Variants in BRINP3 observed in about 807,000 individuals in gnomAD.
The protein encoded by BRINP3 is BMP/retinoic acid-inducible neural-specific protein 3.
BRINP3 carries 19 observed loss-of-function variants against 71.0 expected under a neutral mutation model. The ratio of observed to expected loss-of-function variants is 0.27; its 90% CI spans 0.19 to 0.39. The LOEUF (loss-of-function observed/expected upper bound fraction) is 0.39. Ranked by LOEUF, BRINP3 falls within the 10% of genes least tolerant of loss-of-function variation. The pLI, the probability that BRINP3 is intolerant of heterozygous loss-of-function variation, is 1.00. For synonymous variants in BRINP3, 380 were observed against 337.7 expected, an observed-to-expected ratio of 1.13 and a Z score of -1.37; for missense variants, 959 against 940.8, an observed-to-expected ratio of 1.02 and a Z score of -0.25.
chr1:190,165,405 A>G (rs1223528078), intron 6 of BRINP3, among the ~76,000 whole-genome samples: 1 of 148,906 alleles, frequency 6.7e-6, no homozygotes, highest in Admixed American at 6.7e-5. Context: ...GGCTTTCCAT[A>G]CATGAACACA....
chr1:190,426,788 C>A (rs989688814), intron 2 of BRINP3, among the ~76,000 whole-genome samples: 2 of 151,698 alleles, frequency 1.3e-5, no homozygotes, highest in African/African-American at 4.8e-5. Flanking sequence ...AAAAATTAGA[C>A]AGTTGTGTTA....
chr1:190,382,164 C>T (rs1670587904), intron 2 of BRINP3, among the ~76,000 whole-genome samples: 1 of 140,756 alleles, frequency 7.1e-6, no homozygotes, highest in South Asian at 2.3e-4. Flanking sequence ...TCTTCCATGA[C>T]ATGAAATACA....
chr1:190,390,914 C>T (rs910453414), intron 2 of BRINP3, among the ~76,000 whole-genome samples: 10 of 151,636 alleles, frequency 6.6e-5, no homozygotes, highest in African/African-American at 2.2e-4. Context: ...TGGGAGTCCC[C>T]GGCTTTTTGT....
chr1:190,314,864 G>GT (rs1294323649), intron 2 of BRINP3, among the ~76,000 whole-genome samples: 1 of 152,174 alleles, frequency 6.6e-6, no homozygotes, highest in Non-Finnish European at 1.5e-5. Flanking sequence ...GGAAACATAT[G>GT]TGCAAGACCC....
At chr1:190,303,944 TC>T (rs201298580) in intron 2 of BRINP3, among the ~76,000 whole-genome samples, 1,531 of 151,852 alleles carry the variant, frequency 0.01, 23 homozygotes, top group African/African-American at 0.034. Context: ...ATTTATTTTT[TC>T]CATTAGGTAG....
chr1:190,141,856 C>T (rs113112581), intron 7 of BRINP3, among the ~76,000 whole-genome samples: 37 of 151,940 alleles, frequency 2.4e-4, no homozygotes, highest in African/African-American at 8.7e-4. Context: ...CCACGCCTAG[C>T]CTTAATCCTC....
At chr1:190,163,961 T>C (rs1198826905) in intron 6 of BRINP3, among the ~76,000 whole-genome samples, 1 of 152,176 alleles carries the variant, frequency 6.6e-6, no homozygotes, top group Non-Finnish European at 1.5e-5. Flanking sequence ...CTTGGTTTCA[T>C]AACTCTGTTA....
chr1:190,201,220 G>T (rs1654974984), intron 6 of BRINP3, among the ~76,000 whole-genome samples: 1 of 152,164 alleles, frequency 6.6e-6, no homozygotes, highest in South Asian at 2.1e-4. Context: ...TTGGAGCAAA[G>T]GCAGGTTTTG....
chr1:190,369,422 G>A (rs767694326), intron 2 of BRINP3, among the ~76,000 whole-genome samples: 1 of 151,722 alleles, frequency 6.6e-6, no homozygotes, highest in Non-Finnish European at 1.5e-5. Flanking sequence ...AATTAAAGGA[G>A]GTAATCAGGT....
At chr1:190,454,124 T>C (rs1675830199) in intron 2 of BRINP3, among the ~76,000 whole-genome samples, 1 of 152,208 alleles carries the variant, frequency 6.6e-6, no homozygotes, top group South Asian at 2.1e-4. Flanking sequence ...CTTTATCCCA[T>C]CCATTTCTTT....
chr1:190,179,918 A>G (rs530893545), intron 6 of BRINP3, among the ~76,000 whole-genome samples: 1 of 152,254 alleles, frequency 6.6e-6, no homozygotes, highest in South Asian at 2.1e-4. Context: ...TATCTGTGAC[A>G]TAGTTTCCTT....
At chr1:190,145,786 A>G (rs1480696393) in intron 7 of BRINP3, among the ~76,000 whole-genome samples, 2 of 152,128 alleles carry the variant, frequency 1.3e-5, no homozygotes, top group African/African-American at 2.4e-5. Context: ...CTGCCCATCA[A>G]CCAAAGGGTG....
At chr1:190,459,857 G>C (rs190906138) in intron 1 of BRINP3, among the ~76,000 whole-genome samples, 1 of 151,930 alleles carries the variant, frequency 6.6e-6, no homozygotes, top group African/African-American at 2.4e-5. Context: ...AGACTGATAC[G>C]GTAAACTCTT....
At chr1:190,171,941 T>C (rs1410944463) in intron 6 of BRINP3, among the ~76,000 whole-genome samples, 1 of 151,112 alleles carries the variant, frequency 6.6e-6, no homozygotes, top group East Asian at 1.9e-4. Flanking sequence ...ACCCCAACTC[T>C]ATAATTTTTT....
intron 7 of BRINP3, among the ~76,000 whole-genome samples, chr1:190,100,907 C>T (rs1651646248): frequency 6.6e-6 from 1 of 152,098 alleles, no homozygotes; most frequent in Non-Finnish European, 1.5e-5. Context: ...GAGGTGGTAT[C>T]TAATGGAATA....
intron 6 of BRINP3, among the ~76,000 whole-genome samples, chr1:190,201,177 G>GA (rs1403589371): frequency 6.6e-6 from 1 of 152,062 alleles, no homozygotes; most frequent in Admixed American, 6.6e-5. Flanking sequence ...AAGCTGAGGT[G>GA]GTCTCAGATG....
rs376038488 is a variant in BRINP3 at position 190,423,338 on chromosome 1, G to C, written c.236+31317C>G. 3.9e-3 allele frequency among the ~76,000 whole-genome samples: 587 copies of C among 151,690 alleles called. 3 individuals are homozygous for C. Among genetic ancestry groups the C allele is most frequent in the African/African-American group, 0.014 (569 of 41,424 alleles). On this transcript the variant is annotated intron_variant, in intron 2 of 7. Transcript: ENST00000367462. ...TTTAAAAAAATCACCACACATTTTA[G>C]TATTTAGGAATGGAACAGAGTCTAA...
rs577244353 is a variant in BRINP3, at chr1:190,175,947, A to T, written c.962-15057T>A. 5.9e-5 allele frequency among the ~76,000 whole-genome samples: 9 copies of T among 152,288 alleles called. No homozygotes were observed. The East Asian group carries it at 1.4e-3, about 23-fold the overall frequency. On this transcript the variant is annotated intron_variant, in intron 6 of 7. Transcript: ENST00000367462. ...CTATATTCTAACTTCATGCCCTGGA[A>T]CATAAGGCCCTCCTGGTTTTCACAG... is the stretch of plus-strand genomic sequence containing the variant.
chr1:190,120,580 C>T (rs1030558386), intron 7 of BRINP3, among the ~76,000 whole-genome samples: 4 of 151,998 alleles, frequency 2.6e-5, no homozygotes, highest in African/African-American at 9.7e-5. Context: ...ACTGCCACCT[C>T]CGCCTCCCGG....
Sources: allele counts gnomAD v4.1 joint callset (sites outside exome capture counted in the v4.1 genomes callset), GRCh38; gene constraint gnomAD v4.1.1; transcripts MANE v1.5; gene names NCBI Gene and HGNC (gene_info 2026-07-23, HGNC 2026-07-21).